SPIDR: variants seen among roughly 807,000 people sequenced by gnomAD.
The protein encoded by SPIDR is DNA repair-scaffolding protein.
SPIDR carries 93 observed loss-of-function variants against 104.6 expected under a neutral mutation model. That is an observed-to-expected ratio of 0.89 (90% CI 0.75 to 1.06). SPIDR has a LOEUF of 1.06. SPIDR is among the 50% of genes least tolerant of loss of function. SPIDR has a pLI of 0.00. For synonymous variants in SPIDR, 431 were observed against 416.9 expected, an observed-to-expected ratio of 1.03 and a Z score of -0.41; for missense variants, 1,154 against 1,111.2, an observed-to-expected ratio of 1.04 and a Z score of -0.55.
At chr8:47,553,653 T>G (rs2090908726) in intron 8 of SPIDR, among the ~76,000 whole-genome samples, 1 of 152,222 alleles carries the variant, frequency 6.6e-6, no homozygotes, top group Admixed American at 6.5e-5. Flanking sequence ...GTCTAATCTT[T>G]TTTCAAGTTT....
intron 8 of SPIDR, among the ~76,000 whole-genome samples, chr8:47,467,663 C>G (rs998091881): frequency 1.3e-5 from 2 of 152,078 alleles, no homozygotes; most frequent in African/African-American, 4.8e-5. Context: ...ATTCAAAACC[C>G]TTTCATGTTA....
At chr8:47,526,764 G>T (rs1285754607) in intron 8 of SPIDR, among the ~76,000 whole-genome samples, 9 of 152,200 alleles carry the variant, frequency 5.9e-5, no homozygotes, top group Non-Finnish European at 1.3e-4. Context: ...ATATAAGGCA[G>T]GTGGAAGTTG....
intron 8 of SPIDR, among the ~76,000 whole-genome samples, chr8:47,540,173 T>C (rs2087816983): frequency 6.6e-6 from 1 of 152,186 alleles, no homozygotes; most frequent in Non-Finnish European, 1.5e-5. Flanking sequence ...ATAAGAAGGT[T>C]ATAAGGCTAA....
chr8:47,521,771 T>G (rs1361893907), intron 8 of SPIDR, among the ~76,000 whole-genome samples: 1 of 152,108 alleles, frequency 6.6e-6, no homozygotes, highest in Non-Finnish European at 1.5e-5. Context: ...AGAAGAGAGA[T>G]CCATTTTGCA....
At chr8:47,655,769 CT>C (rs1399754812) in intron 10 of SPIDR, among the ~76,000 whole-genome samples, 2 of 152,108 alleles carry the variant, frequency 1.3e-5, no homozygotes, top group African/African-American at 2.4e-5. Context: ...GTTGCCATTG[CT>C]TTTGGTGTTT....
At chr8:47,498,727 CAT>C (rs1231863353) in intron 8 of SPIDR, among the ~76,000 whole-genome samples, 1 of 152,172 alleles carries the variant, frequency 6.6e-6, no homozygotes, top group East Asian at 1.9e-4. Flanking sequence ...TTAGACCTAA[CAT>C]GTTTGCATTT....
In SPIDR at chr8:47,701,712, T is replaced by A. The variant is rs185126101; in HGVS notation, c.1774-9T>A. The A allele has an allele frequency of 6.2e-7, 1 of 1,613,656 alleles. No homozygotes were observed. Among genetic ancestry groups the A allele is most frequent in the African/African-American group, 1.3e-5 (1 of 75,028 alleles). The stretch of plus-strand genomic sequence containing the variant: ...ACATTCACCTTCTACCTTTGTCTCA[T>A]TTAAACAGATAAAAACTCATCTGCC... On this transcript the variant is annotated splice_polypyrimidine_tract_variant and intron_variant, in intron 12 of 19. Transcript: ENST00000297423.
At chr8:47,689,629 C>T (rs964000586) in intron 11 of SPIDR, among the ~76,000 whole-genome samples, 2 of 152,198 alleles carry the variant, frequency 1.3e-5, no homozygotes, top group African/African-American at 4.8e-5. Flanking sequence ...CATAGCCTAG[C>T]TTCATGGTAC....
intron 5 of SPIDR, among the ~76,000 whole-genome samples, chr8:47,350,154 C>T (rs1453106825): frequency 6.6e-6 from 1 of 152,186 alleles, no homozygotes; most frequent in African/African-American, 2.4e-5. Flanking sequence ...TTGTAATCCC[C>T]ATTTTAATGA....
intron 16 of SPIDR, among the ~76,000 whole-genome samples, chr8:47,717,449 C>T (rs1189439420): frequency 6.6e-6 from 1 of 152,230 alleles, no homozygotes; most frequent in Non-Finnish European, 1.5e-5. Flanking sequence ...AGCAGTGTCT[C>T]ATGAGAAAAT....
intron 10 of SPIDR, among the ~76,000 whole-genome samples, chr8:47,665,647 C>T (rs754986476): frequency 6.6e-6 from 1 of 152,158 alleles, no homozygotes; most frequent in African/African-American, 2.4e-5. Context: ...TTAAAATAGG[C>T]GATACATTCT....
chr8:47,501,275 G>A (rs2080383964), intron 8 of SPIDR, among the ~76,000 whole-genome samples: 1 of 152,196 alleles, frequency 6.6e-6, no homozygotes, highest in Non-Finnish European at 1.5e-5. Context: ...CTATCCATGA[G>A]CATGGAATGT....
intron 8 of SPIDR, among the ~76,000 whole-genome samples, chr8:47,589,792 A>G (rs1222962769): frequency 5.9e-5 from 9 of 151,916 alleles, no homozygotes; most frequent in Admixed American, 2.6e-4. Flanking sequence ...TTTTTAGTCA[A>G]TTCATTGATC....
At chr8:47,694,297 A>T (rs1022012276) in intron 11 of SPIDR, among the ~76,000 whole-genome samples, 5 of 152,290 alleles carry the variant, frequency 3.3e-5, no homozygotes, top group Non-Finnish European at 7.3e-5. Context: ...AATACAGCCT[A>T]CCAGATATGT....
chr8:47,658,051 AAAAAG>A (rs2073234278), intron 10 of SPIDR, among the ~76,000 whole-genome samples: 1 of 146,136 alleles, frequency 6.8e-6, no homozygotes, highest in Non-Finnish European at 1.5e-5. Flanking sequence ...AAAAAAAAAG[AAAAAG>A]AAAAAGAAAA....
At chr8:47,659,629 G>A (rs1015452568) in intron 10 of SPIDR, 5 of 3,500 alleles carry the variant, frequency 1.4e-3, no homozygotes, top group Non-Finnish European at 2.3e-3. Flanking sequence ...CCCCCACCCC[G>A]CCCCGCCCTC....
At chr8:47,499,055 C>G (rs576523210) in intron 8 of SPIDR, among the ~76,000 whole-genome samples, 2 of 152,164 alleles carry the variant, frequency 1.3e-5, no homozygotes, top group African/African-American at 4.8e-5. Context: ...GAAATTCTAA[C>G]TGTTTAGCAA....
chr8:47,260,997 C>T lies in SPIDR; in HGVS notation c.33+6C>T, dbSNP rs1264918509. ...GCCGCGCTCGGGGCTCTAAGGTAGG[C>T]TCTGGGGCGGGAGTGGGCGCCGCGC... On this transcript the variant is annotated splice_donor_region_variant and intron_variant, in intron 1 of 19. Transcript: ENST00000297423. The T allele has an allele frequency of 2.4e-6, 3 of 1,228,442 alleles. No homozygotes were observed. Among genetic ancestry groups the T allele is most frequent in the Non-Finnish European group, 3.0e-6 (3 of 985,734 alleles). 76.1% of individuals were successfully genotyped at this position (1,228,442 alleles called of 1,614,324 possible).
chr8:47,503,559 C>A (rs1252681990), intron 8 of SPIDR, among the ~76,000 whole-genome samples: 1 of 150,942 alleles, frequency 6.6e-6, no homozygotes, highest in East Asian at 2.0e-4. Flanking sequence ...TTCCTCAATA[C>A]AGCACACTGA....
Sources: gnomAD v4.1 joint callset for allele counts (sites outside exome capture counted in the v4.1 genomes callset) on GRCh38, gnomAD v4.1.1 for gene constraint, MANE v1.5 for transcripts, NCBI Gene and HGNC (gene_info 2026-07-23, HGNC 2026-07-21) for gene names.